DENND1A: variants seen among roughly 807,000 people sequenced by gnomAD.
The protein encoded by DENND1A is DENN domain-containing protein 1A.
In DENND1A, 51 loss-of-function variants were observed where a neutral mutation model predicts 113.7. The ratio of observed to expected loss-of-function variants is 0.45; its 90% CI spans 0.36 to 0.57. DENND1A has a LOEUF of 0.57. Ranked by LOEUF, DENND1A falls within the 20% of genes least tolerant of loss-of-function variation. DENND1A has a pLI of 0.00. For synonymous variants in DENND1A, 565 were observed against 570.8 expected, an observed-to-expected ratio of 0.99 and a Z score of 0.14; for missense variants, 1,258 against 1,395.9, an observed-to-expected ratio of 0.90 and a Z score of 1.57.
At chr9:123,720,881 AAAAG>A (rs1473771496) in intron 5 of DENND1A, among the ~76,000 whole-genome samples, 1 of 152,232 alleles carries the variant, frequency 6.6e-6, no homozygotes, top group African/African-American at 2.4e-5. Flanking sequence ...GTCTTTACCT[AAAAG>A]AAATGGCATT....
intron 10 of DENND1A, among the ~76,000 whole-genome samples, chr9:123,621,324 T>A (rs939273192): frequency 7.2e-5 from 11 of 152,090 alleles, no homozygotes; most frequent in Admixed American, 5.2e-4. Flanking sequence ...TAGCTGGGAT[T>A]ACAGGCATGT....
chr9:123,892,008 G>A (rs764238735), intron 1 of DENND1A, among the ~76,000 whole-genome samples: 14 of 152,160 alleles, frequency 9.2e-5, no homozygotes, highest in African/African-American at 1.4e-4. Flanking sequence ...AGAGCTAAGC[G>A]TCCAGGGAAA....
intron 5 of DENND1A, among the ~76,000 whole-genome samples, chr9:123,739,373 A>G (rs1286383081): frequency 1.4e-5 from 2 of 140,892 alleles, no homozygotes; most frequent in Admixed American, 6.8e-5. Context: ...CTTATTAAAA[A>G]TAAGTGTTAA....
chr9:123,397,628 C>T (rs2043202472), intron 21 of DENND1A, among the ~76,000 whole-genome samples: 1 of 152,198 alleles, frequency 6.6e-6, no homozygotes, highest in Admixed American at 6.5e-5. Flanking sequence ...CACATGCTGG[C>T]ATATTGCAAG....
chr9:123,727,902 C>A (rs886253021), intron 5 of DENND1A, among the ~76,000 whole-genome samples: 1 of 149,604 alleles, frequency 6.7e-6, no homozygotes, highest in African/African-American at 2.5e-5. Context: ...GTCAGGAGAT[C>A]GAGACCATCC....
At chr9:123,664,784 G>C (rs1163164136) in intron 8 of DENND1A, among the ~76,000 whole-genome samples, 1 of 152,124 alleles carries the variant, frequency 6.6e-6, no homozygotes, top group Non-Finnish European at 1.5e-5. Flanking sequence ...ACAGTGACCT[G>C]TAAGAGTTTA....
chr9:123,913,675 G>A (rs1178052218), intron 1 of DENND1A, among the ~76,000 whole-genome samples: 1 of 152,132 alleles, frequency 6.6e-6, no homozygotes, highest in Non-Finnish European at 1.5e-5. Context: ...GGAGGACGAG[G>A]TGGGTGGATC....
chr9:123,430,052 GA>G (rs1377343780), intron 19 of DENND1A, among the ~76,000 whole-genome samples: 1 of 152,080 alleles, frequency 6.6e-6, no homozygotes, highest in African/African-American at 2.4e-5. Flanking sequence ...CTTCTCAAAA[GA>G]AGACATTCAC....
chr9:123,902,498 C>T (rs1377185099), intron 1 of DENND1A, among the ~76,000 whole-genome samples: 2 of 152,154 alleles, frequency 1.3e-5, no homozygotes, highest in Non-Finnish European at 2.9e-5. Context: ...CTGACCATCA[C>T]TCGCAAGCAC....
intron 1 of DENND1A, among the ~76,000 whole-genome samples, chr9:123,902,659 G>C (rs1245008602): frequency 1.3e-5 from 2 of 151,860 alleles, no homozygotes; most frequent in Non-Finnish European, 2.9e-5. Context: ...TCTCTTGGAA[G>C]ACGAATATAT....
chr9:123,629,021 C>G (rs1244718830), intron 10 of DENND1A, among the ~76,000 whole-genome samples: 1 of 152,212 alleles, frequency 6.6e-6, no homozygotes, highest in African/African-American at 2.4e-5. Context: ...TCTCCATGGC[C>G]TCTTGGGAAG....
chr9:123,445,802 G>C (rs994828470), intron 18 of DENND1A, among the ~76,000 whole-genome samples: 2 of 152,232 alleles, frequency 1.3e-5, no homozygotes, highest in Non-Finnish European at 2.9e-5. Context: ...GGGAGGTGGA[G>C]TTTGCGGTGA....
intron 18 of DENND1A, among the ~76,000 whole-genome samples, chr9:123,441,254 T>C (rs2046910049): frequency 6.6e-6 from 1 of 152,234 alleles, no homozygotes; most frequent in Non-Finnish European, 1.5e-5. Context: ...ATTTAATAGG[T>C]GAAAAATTTG....
At chr9:123,429,698 A>T (rs374716207) in intron 19 of DENND1A, among the ~76,000 whole-genome samples, 2 of 152,352 alleles carry the variant, frequency 1.3e-5, no homozygotes, top group South Asian at 2.1e-4. Flanking sequence ...AATTAACCCA[A>T]GATGGATTAA....
At chr9:123,700,960 C>T (rs189641640) in intron 5 of DENND1A, among the ~76,000 whole-genome samples, 2 of 152,296 alleles carry the variant, frequency 1.3e-5, no homozygotes, top group African/African-American at 2.4e-5. Flanking sequence ...TATTTTGATG[C>T]TATTATAAAA....
chr9:123,783,976 A>G (rs73580042), intron 3 of DENND1A, among the ~76,000 whole-genome samples: 10,441 of 152,290 alleles, frequency 0.069, 482 homozygotes, highest in African/African-American at 0.13. Context: ...CATCAGGGCA[A>G]GTTTCACAGA....
chr9:123,901,901 G>A (rs1483468182), intron 1 of DENND1A, among the ~76,000 whole-genome samples: 2 of 152,112 alleles, frequency 1.3e-5, no homozygotes, highest in East Asian at 3.9e-4. Flanking sequence ...AGCTACTCGA[G>A]AGGCTGAGGC....
At chr9:123,756,348 A>G (rs988799576) in intron 5 of DENND1A, among the ~76,000 whole-genome samples, 1 of 152,212 alleles carries the variant, frequency 6.6e-6, no homozygotes, top group South Asian at 2.1e-4. Flanking sequence ...AATATAACAG[A>G]CAAAACTGAA....
intron 13 of DENND1A, among the ~76,000 whole-genome samples, chr9:123,506,384 C>T (rs1352846844): frequency 1.3e-5 from 2 of 151,918 alleles, no homozygotes; most frequent in Non-Finnish European, 2.9e-5. Context: ...GAGATCGAGA[C>T]CATCCTGGGC....
Sources: gnomAD v4.1 joint callset for allele counts (sites outside exome capture counted in the v4.1 genomes callset) on GRCh38, gnomAD v4.1.1 for gene constraint, MANE v1.5 for transcripts, NCBI Gene and HGNC (gene_info 2026-07-23, HGNC 2026-07-21) for gene names.